Variants in GPD2 observed in about 807,000 individuals in gnomAD.
The protein encoded by GPD2 is glycerol-3-phosphate dehydrogenase 2, also known as glycerol-3-phosphate dehydrogenase, mitochondrial.
Under a neutral mutation model 82.4 loss-of-function variants are expected in GPD2, and 54 were observed. The observed-to-expected ratio is 0.66, with a 90% confidence interval of 0.53 to 0.82. GPD2 has a LOEUF of 0.82. GPD2 is among the 40% of genes least tolerant of loss of function. GPD2 has a pLI of 0.00. For synonymous variants in GPD2, 288 were observed against 306.1 expected (o/e 0.94, Z 0.62); for missense variants, 748 against 896.2 (o/e 0.83, Z 2.11).
intron 6 of GPD2, among the ~76,000 whole-genome samples, chr2:156,544,019 C>T (rs1295560577): frequency 1.3e-5 from 2 of 152,078 alleles, no homozygotes; most frequent in Non-Finnish European, 2.9e-5. Flanking sequence ...TTATCTATTG[C>T]TGTAATTCTT....
intron 2 of GPD2, among the ~76,000 whole-genome samples, chr2:156,484,337 A>C (rs1683852624): frequency 6.6e-6 from 1 of 151,740 alleles, no homozygotes; most frequent in African/African-American, 2.4e-5. Flanking sequence ...GGGTTTCGCC[A>C]TGTTGGCCAG....
chr2:156,579,039 T>TTC (rs752092226), intron 14 of GPD2, 38 bp downstream of exon 14: 2 of 1,555,780 alleles, frequency 1.3e-6, no homozygotes, highest in Admixed American at 3.3e-5. Context: ...CTCTTTTTTT[T>TTC]TGGCCTATGT....
chr2:156,569,044 G>T, intron 10 of GPD2, 85 bp downstream of exon 10: 1 of 1,146,462 alleles, frequency 8.7e-7, no homozygotes, highest in Non-Finnish European at 1.3e-6. Context: ...GCCCAGGAGG[G>T]TCTTGAACTC....
the GPD2 span, among the ~76,000 whole-genome samples, chr2:156,407,891 A>G: frequency 7.9e-5 from 12 of 151,438 alleles, no homozygotes; most frequent in Non-Finnish European, 1.8e-4. Flanking sequence ...TTTTGCTCCC[A>G]AATGTTAGTG....
the GPD2 span, among the ~76,000 whole-genome samples, chr2:156,413,345 G>C: frequency 6.6e-6 from 1 of 152,122 alleles, no homozygotes; most frequent in African/African-American, 2.4e-5. Flanking sequence ...ACTTTGGGAG[G>C]CCGAGGCAGG....
intron 6 of GPD2, among the ~76,000 whole-genome samples, chr2:156,522,060 A>G (rs1034168890): frequency 1.3e-5 from 2 of 152,050 alleles, no homozygotes; most frequent in East Asian, 3.8e-4. Flanking sequence ...CCCCTAAGAA[A>G]CAAAACTTAT....
In GPD2 at chr2:156,475,404, C is replaced by G. The variant is rs113527755; in HGVS notation, c.-8-694C>G. Among the ~76,000 whole-genome samples the G allele has an allele frequency of 6.0e-3, 917 of 152,244 alleles. 5 individuals carry two copies. The highest frequency in any genetic ancestry group is 0.014 in the Middle Eastern group (4 of 294). ...AGTGCAGTGGCATGATCTCGGCTCA[C>G]TGCAACCTCTGCCTCCTGGGTTCAG... On this transcript the variant is annotated intron_variant, in intron 1 of 16. Coordinates refer to ENST00000438166, the MANE Select transcript of GPD2 (RefSeq NM_000408.5).
Position 156,549,135 on chromosome 2 carries a change from G to A in GPD2, c.662-473G>A, listed in dbSNP as rs1686657474. On this transcript the variant is annotated intron_variant, in intron 6 of 16. Coordinates refer to ENST00000438166, the MANE Select transcript of GPD2 (RefSeq NM_000408.5). ...ACAGAATACTGAGAAATGCTCTATG[G>A]AAGATAAAGCTCTTGATTTTGAATA... is the stretch of plus-strand genomic sequence containing the variant. 2.0e-5 allele frequency among the ~76,000 whole-genome samples: 3 copies of A among 152,126 alleles called. No individual in the cohort carries two copies. The South Asian group carries it at 6.2e-4, about 32-fold the overall frequency.
chr2:156,538,797 T>G (rs893304051), intron 6 of GPD2, among the ~76,000 whole-genome samples: 1 of 126,526 alleles, frequency 7.9e-6, no homozygotes, highest in East Asian at 2.2e-4. Context: ...CTGCAGCCTG[T>G]GCAACAGAGC....
chr2:156,486,697 A>G (rs1262529404), intron 2 of GPD2, among the ~76,000 whole-genome samples: 1 of 152,204 alleles, frequency 6.6e-6, no homozygotes, highest in Non-Finnish European at 1.5e-5. Flanking sequence ...ATTTTGCTTT[A>G]TTTGTTTTGT....
At chr2:156,565,098 A>T (rs1687335274) in intron 9 of GPD2, among the ~76,000 whole-genome samples, 1 of 152,088 alleles carries the variant, frequency 6.6e-6, no homozygotes, top group African/African-American at 2.4e-5. Flanking sequence ...TTTGCCACAG[A>T]TTATTTGCAT....
intron 3 of GPD2, among the ~76,000 whole-genome samples, chr2:156,507,689 C>G (rs1231905864): frequency 6.6e-6 from 1 of 152,156 alleles, no homozygotes. Flanking sequence ...GCTGTGTTCT[C>G]AGAGGCATCT....
chr2:156,495,607 C>T (rs1419598203), intron 2 of GPD2: 1 of 463,580 alleles, frequency 2.2e-6, no homozygotes, highest in African/African-American at 2.0e-5. Flanking sequence ...ATGTATACTT[C>T]TGAGAAAGTG....
At chr2:156,567,136 T>G (rs549787862) in intron 9 of GPD2, among the ~76,000 whole-genome samples, 14 of 152,220 alleles carry the variant, frequency 9.2e-5, no homozygotes, top group African/African-American at 3.1e-4. Flanking sequence ...AGTATATGAT[T>G]TACCGGTATT....
At chr2:156,503,731 C>T (rs923582172) in intron 3 of GPD2, among the ~76,000 whole-genome samples, 4 of 152,040 alleles carry the variant, frequency 2.6e-5, no homozygotes, top group African/African-American at 9.7e-5. Flanking sequence ...CTTTAGTAAG[C>T]ATAAAAAAGT....
chr2:156,471,206 G>C (rs1683315226), intron 1 of GPD2, among the ~76,000 whole-genome samples: 1 of 152,180 alleles, frequency 6.6e-6, no homozygotes, highest in Admixed American at 6.5e-5. Flanking sequence ...ATTGAGTGCT[G>C]TCCTTAGACA....
chr2:156,445,424 C>T (rs1682336651), intron 1 of GPD2, among the ~76,000 whole-genome samples: 1 of 152,216 alleles, frequency 6.6e-6, no homozygotes, highest in Admixed American at 6.5e-5. Flanking sequence ...TGCCATTTAA[C>T]ACTTACACTT....
At chr2:156,492,147 CT>C (rs770947790) in intron 2 of GPD2, among the ~76,000 whole-genome samples, 496 of 75,452 alleles carry the variant, frequency 6.6e-3, no homozygotes, top group African/African-American at 0.015. Flanking sequence ...CCCTCCCTAC[CT>C]TTTTTTTTTT....
intron 9 of GPD2, among the ~76,000 whole-genome samples, chr2:156,568,381 T>G (rs534695500): frequency 6.6e-6 from 1 of 152,176 alleles, no homozygotes; most frequent in Admixed American, 6.6e-5. Context: ...CTGTTACAGG[T>G]TTGTTTAATT....
Sources: allele counts gnomAD v4.1 joint callset (sites outside exome capture counted in the v4.1 genomes callset), GRCh38; gene constraint gnomAD v4.1.1; transcripts MANE v1.5; gene names NCBI Gene and HGNC (gene_info 2026-07-23, HGNC 2026-07-21).